The following PAK3 variants were observed in gnomAD, a reference collection of about 807,000 sequenced individuals.
PAK3 encodes p21 (RAC1) activated kinase 3.
In PAK3, 4 loss-of-function variants were observed where a neutral mutation model predicts 41.0. That is an observed-to-expected ratio of 0.10 (90% CI 0.05 to 0.22). PAK3 has a LOEUF of 0.22. Ranked by LOEUF, PAK3 falls within the 10% of genes least tolerant of loss-of-function variation. The pLI, the probability that PAK3 is intolerant of heterozygous loss-of-function variation, is 1.00. For missense variants in PAK3, 205 were observed against 409.9 expected, an observed-to-expected ratio of 0.50 and a Z score of 4.32; for synonymous variants, 146 against 139.6, an observed-to-expected ratio of 1.05 and a Z score of -0.32.
intron 4 of PAK3, among the ~76,000 whole-genome samples, chrX:111,107,752 C>G (rs982873249): frequency 2.7e-5 from 3 of 111,942 alleles, no homozygotes; most frequent in African/African-American, 9.7e-5. Context: ...TCTTTGATAG[C>G]AAGAACTATA....
chrX:111,220,963 C>CAAAAAAAAAAAAAAAAAAAAAAAA lies in PAK3; in HGVS notation c.*519_*520insAAAAAAAAAAAAAAAAAAAAAAAA, dbSNP rs1319121618. On this transcript the variant is annotated 3_prime_UTR_variant, in exon 18 of 18. Transcript: ENST00000372007. ...AGCAAGGCAAAAAAAAAAAAAAAAA[C>CAAAAAAAAAAAAAAAAAAAAAAAA]AAACAAAAACAAAAACAAAACAAAA... is the stretch of plus-strand genomic sequence containing the variant. The CAAAAAAAAAAAAAAAAAAAAAAAA allele has an allele frequency of 1.8e-5, 1 of 54,531 alleles. No individual in the cohort carries two copies. The highest frequency in any genetic ancestry group is 6.5e-5 in the African/African-American group (1 of 15,482). The allele number at this position is 54,531 out of a possible 1,213,427, so 4.5% of individuals were successfully genotyped here. A position where few individuals can be genotyped will look rare whatever the true frequency, so the allele number is the denominator to read the frequency against.
At chrX:111,038,606 T>C (rs956748335) in intron 1 of PAK3, among the ~76,000 whole-genome samples, 1 of 112,153 alleles carries the variant, frequency 8.9e-6, no homozygotes, top group Non-Finnish European at 1.9e-5. Flanking sequence ...GTTAAATGCA[T>C]AGTGTCAGAA....
intron 8 of PAK3, among the ~76,000 whole-genome samples, chrX:111,160,626 C>T (rs1410957695): frequency 9.2e-6 from 1 of 108,823 alleles, no homozygotes; most frequent in Non-Finnish European, 1.9e-5. Flanking sequence ...CTCCCCCCAC[C>T]CCACAACAGT....
At chrX:111,209,199 G>A (rs760216109) in intron 16 of PAK3, among the ~76,000 whole-genome samples, 9 of 111,320 alleles carry the variant, frequency 8.1e-5, no homozygotes, top group Non-Finnish European at 1.7e-4. Flanking sequence ...ACTGGGAACA[G>A]TGAGACGTGG....
At chrX:111,051,561 A>G (rs1177695055) in intron 1 of PAK3, among the ~76,000 whole-genome samples, 1 of 111,718 alleles carries the variant, frequency 9.0e-6, no homozygotes, top group African/African-American at 3.3e-5. Context: ...TAATCTCCAT[A>G]AGCTCCCATT....
At chrX:111,030,066 A>G (rs923389401) in intron 1 of PAK3, among the ~76,000 whole-genome samples, 2 of 111,896 alleles carry the variant, frequency 1.8e-5, no homozygotes, top group Admixed American at 9.5e-5. Context: ...ATTTCTCTCA[A>G]CTGTGAATGG....
chrX:110,975,954 T>G (rs192892908), intron 1 of PAK3, among the ~76,000 whole-genome samples: 3 of 111,890 alleles, frequency 2.7e-5, no homozygotes, highest in Non-Finnish European at 5.6e-5. Context: ...TATACAAAAA[T>G]TAATACAAGA....
chrX:111,034,428 C>G (rs891053281), intron 1 of PAK3, among the ~76,000 whole-genome samples: 2 of 111,961 alleles, frequency 1.8e-5, no homozygotes, highest in African/African-American at 6.5e-5. Flanking sequence ...TTCACTCATC[C>G]CCTTCTGACA....
intron 1 of PAK3, among the ~76,000 whole-genome samples, chrX:111,064,784 C>T (rs1282437660): frequency 2.7e-5 from 3 of 112,051 alleles, no homozygotes; most frequent in African/African-American, 9.7e-5. Flanking sequence ...TTTGGCAAAA[C>T]AGTTATTTTC....
intron 1 of PAK3, among the ~76,000 whole-genome samples, chrX:111,066,482 A>T (rs1424114546): frequency 8.9e-6 from 1 of 112,116 alleles, no homozygotes; most frequent in Non-Finnish European, 1.9e-5. Context: ...GCTATGGCCA[A>T]GCATGTGGTC....
At chrX:111,127,756 T>C (rs189054872) in intron 5 of PAK3, among the ~76,000 whole-genome samples, 134 of 111,620 alleles carry the variant, frequency 1.2e-3, no homozygotes, top group Non-Finnish European at 2.0e-3. Context: ...CTACGGTATG[T>C]ATGCACTTTG....
rs374007486 is a variant in PAK3, at chrX:111,033,207, C to T, written c.-28+88579C>T. ...ACATCTGTGTCACAAACAGCTGTGA[C>T]GAACCAAATCTTGCCACCCATCACC... is the stretch of plus-strand genomic sequence containing the variant. On this transcript the variant is annotated intron_variant, in intron 1 of 14. Transcript: ENST00000425146. Among the ~76,000 whole-genome samples the T allele has an allele frequency of 2.2e-4, 24 of 111,211 alleles. No individual in the cohort carries two copies. The East Asian group carries it at 3.1e-3, about 15-fold the overall frequency.
Position 111,211,194 on chromosome X carries a change from C to G in PAK3, c.1408-5227C>G, listed in dbSNP as rs368496987. 4.1e-4 allele frequency among the ~76,000 whole-genome samples: 45 copies of G among 109,973 alleles called. No homozygotes were observed. In the South Asian group the frequency reaches 0.011, roughly 26 times the overall value. On this transcript the variant is annotated intron_variant, in intron 16 of 17. Coordinates refer to ENST00000372007, the MANE Select transcript of PAK3 (RefSeq NM_002578.5). Reference sequence around the variant, plus strand: ...CGGGAGAGGAGTTGGGAGAAGGGCCCTAGGGTGAGAAGAGAACAGATGGAA... The same window carrying G: ...CGGGAGAGGAGTTGGGAGAAGGGCCGTAGGGTGAGAAGAGAACAGATGGAA...
chrX:110,989,595 T>G (rs1012746683), intron 1 of PAK3, among the ~76,000 whole-genome samples: 3 of 112,245 alleles, frequency 2.7e-5, no homozygotes, highest in African/African-American at 9.7e-5. Flanking sequence ...AGGTTCACCC[T>G]ATTGTGATCT....
At chrX:111,106,836 A>G (rs1197340671) in intron 4 of PAK3, among the ~76,000 whole-genome samples, 1 of 112,270 alleles carries the variant, frequency 8.9e-6, no homozygotes, top group Non-Finnish European at 1.9e-5. Flanking sequence ...CAGGAGGTCA[A>G]TGAGAAATAG....
intron 1 of PAK3, among the ~76,000 whole-genome samples, chrX:111,022,066 G>A (rs879139111): frequency 2.7e-5 from 3 of 111,992 alleles, no homozygotes; most frequent in Non-Finnish European, 3.8e-5. Flanking sequence ...TGGTGCTCCC[G>A]AGGAAGAAGA....
rs2093946221 is a variant in PAK3 at position 111,146,531 on chromosome X, A to G, written c.277-1206A>G. On this transcript the variant is annotated intron_variant, in intron 6 of 17. Transcript: ENST00000372007. ...TTACGTCCATTACAGCCAGATCTCT[A>G]TGGCTCACAGATGTGCCCAGGGAAG... The G allele has an allele frequency of 8.7e-7, 1 of 1,146,657 alleles. No homozygotes were observed. Among genetic ancestry groups the G allele is most frequent in the Non-Finnish European group, 1.2e-6 (1 of 847,146 alleles). The allele number at this position is 1,146,657 out of a possible 1,213,427, so 94.5% of individuals were successfully genotyped here. A position where few individuals can be genotyped will look rare whatever the true frequency, so the allele number is the denominator to read the frequency against.
At chrX:111,113,195 G>T (rs566011357) in intron 4 of PAK3, among the ~76,000 whole-genome samples, 1 of 111,472 alleles carries the variant, frequency 9.0e-6, no homozygotes, top group African/African-American at 3.3e-5. Context: ...CTCTGAACCC[G>T]CTGGGAATAT....
intron 1 of PAK3, among the ~76,000 whole-genome samples, chrX:111,058,353 T>C (rs1214997192): frequency 8.9e-6 from 1 of 112,049 alleles, no homozygotes; most frequent in African/African-American, 3.2e-5. Flanking sequence ...TATTGTCTAT[T>C]TTTTTGTGTG....
Sources: allele counts gnomAD v4.1 joint callset (sites outside exome capture counted in the v4.1 genomes callset), GRCh38; gene constraint gnomAD v4.1.1; transcripts MANE v1.5; gene names NCBI Gene and HGNC (gene_info 2026-07-23, HGNC 2026-07-21).